ADAMTSL3: variants seen among roughly 807,000 people sequenced by gnomAD.
ADAMTSL3 encodes the protein ADAMTS like 3.
In ADAMTSL3, 128 loss-of-function variants were observed where a neutral mutation model predicts 201.7. The observed-to-expected ratio is 0.63, with a 90% CI of 0.55 to 0.73. The LOEUF is 0.73. Ranked by LOEUF, ADAMTSL3 falls within the 30% of genes least tolerant of loss-of-function variation. The pLI, the probability that ADAMTSL3 is intolerant of heterozygous loss-of-function variation, is 0.00. For missense variants in ADAMTSL3, 1,990 were observed against 2,119.6 expected, an observed-to-expected ratio of 0.94 and a Z score of 1.20; for synonymous variants, 738 against 748.4, an observed-to-expected ratio of 0.99 and a Z score of 0.23.
chr15:83,984,340 T>C (rs1056900416), intron 21 of ADAMTSL3, among the ~76,000 whole-genome samples: 8 of 152,246 alleles, frequency 5.3e-5, no homozygotes, highest in African/African-American at 1.9e-4. Context: ...TTGAGCCTCG[T>C]ATGTGAAACA....
chr15:83,775,247 A>G (rs1418150739), intron 4 of ADAMTSL3, among the ~76,000 whole-genome samples: 2 of 152,040 alleles, frequency 1.3e-5, no homozygotes, highest in Non-Finnish European at 2.9e-5. Flanking sequence ...GAGAACTTTG[A>G]CATCTCTTTC....
At chr15:83,803,177 A>G (rs1347360772) in intron 4 of ADAMTSL3, among the ~76,000 whole-genome samples, 1 of 152,324 alleles carries the variant, frequency 6.6e-6, no homozygotes, top group East Asian at 1.9e-4. Flanking sequence ...ATTAAATGAC[A>G]AAAGAATAAA....
chr15:83,949,415 G>A (rs1157535212), intron 19 of ADAMTSL3, among the ~76,000 whole-genome samples: 2 of 152,062 alleles, frequency 1.3e-5, no homozygotes, highest in East Asian at 1.9e-4. Context: ...GTCTGCTGAC[G>A]GACACTTAGG....
At chr15:83,717,502 A>G (rs900944870) in intron 3 of ADAMTSL3, 3 of 152,226 alleles carry the variant, frequency 2.0e-5, no homozygotes, top group Non-Finnish European at 4.4e-5. Context: ...CAAGGATGAT[A>G]TGAAATTTGT....
intron 17 of ADAMTSL3, among the ~76,000 whole-genome samples, chr15:83,934,370 C>T (rs2066422596): frequency 6.6e-6 from 1 of 152,178 alleles, no homozygotes. Context: ...CCAATTTCTC[C>T]CATTTGGAAT....
chr15:83,994,448 G>A (rs1034540189), intron 23 of ADAMTSL3, among the ~76,000 whole-genome samples: 1 of 151,988 alleles, frequency 6.6e-6, no homozygotes, highest in Admixed American at 6.6e-5. Context: ...CTAGTCATGT[G>A]GATGACTAAA....
intron 6 of ADAMTSL3, 62 bp downstream of exon 6, chr15:83,820,109 C>CAG: frequency 7.2e-7 from 1 of 1,397,738 alleles, no homozygotes; most frequent in Middle Eastern, 1.8e-4. Context: ...TGTCAATAAA[C>CAG]AGAACCCTTT....
chr15:83,771,586 A>G (rs1160653303), intron 3 of ADAMTSL3, among the ~76,000 whole-genome samples: 1 of 152,208 alleles, frequency 6.6e-6, no homozygotes, highest in East Asian at 1.9e-4. Context: ...AATGTCCTCA[A>G]GATTCATCCA....
At chr15:83,797,188 A>G (rs983142771) in intron 4 of ADAMTSL3, among the ~76,000 whole-genome samples, 9 of 152,340 alleles carry the variant, frequency 5.9e-5, no homozygotes, top group African/African-American at 1.9e-4. Context: ...TTTACTTACC[A>G]ATAAAATAGA....
chr15:83,972,665 A>G (rs571257533), intron 20 of ADAMTSL3, among the ~76,000 whole-genome samples: 18 of 152,230 alleles, frequency 1.2e-4, no homozygotes, highest in African/African-American at 4.3e-4. Context: ...AAAGACAGTA[A>G]TATTTTTTCT....
chr15:83,672,309 G>T (rs1006175858), intron 2 of ADAMTSL3, among the ~76,000 whole-genome samples: 38 of 152,334 alleles, frequency 2.5e-4, no homozygotes, highest in Admixed American at 2.0e-3. Context: ...AAGCAGGGGT[G>T]TAAATCATAA....
chr15:83,932,972 A>T (rs1237083353), intron 17 of ADAMTSL3, among the ~76,000 whole-genome samples: 1 of 152,228 alleles, frequency 6.6e-6, no homozygotes, highest in Non-Finnish European at 1.5e-5. Context: ...CTACGCTATG[A>T]ACAATAAACT....
chr15:83,885,297 T>G, intron 10 of ADAMTSL3, 85 bp downstream of exon 10: 1 of 1,083,454 alleles, frequency 9.2e-7, no homozygotes, highest in Non-Finnish European at 1.4e-6. Flanking sequence ...GATTTTAAAA[T>G]TGGTGTGGTG....
At chr15:83,947,455 C>G (rs1432227942) in intron 19 of ADAMTSL3, among the ~76,000 whole-genome samples, 2 of 152,164 alleles carry the variant, frequency 1.3e-5, no homozygotes, top group Admixed American at 6.5e-5. Flanking sequence ...GCCTTCAGTT[C>G]TTACACTGCT....
chr15:83,972,490 A>T (rs979243866), intron 20 of ADAMTSL3, among the ~76,000 whole-genome samples: 5 of 152,186 alleles, frequency 3.3e-5, no homozygotes, highest in Non-Finnish European at 5.9e-5. Flanking sequence ...AATTAAAGTG[A>T]TACTGGCAGC....
chr15:83,692,361 A>G (rs2061621489), intron 2 of ADAMTSL3, among the ~76,000 whole-genome samples: 1 of 151,976 alleles, frequency 6.6e-6, no homozygotes, highest in Non-Finnish European at 1.5e-5. Context: ...CCCTGACTCT[A>G]AATCTCTGTC....
At chr15:83,774,435 A>G (rs2063037964) in intron 4 of ADAMTSL3, among the ~76,000 whole-genome samples, 1 of 152,250 alleles carries the variant, frequency 6.6e-6, no homozygotes, top group Non-Finnish European at 1.5e-5. Context: ...TCACTGTTCT[A>G]CCATACATTA....
chr15:83,663,034 A>G (rs2061197130), intron 2 of ADAMTSL3, among the ~76,000 whole-genome samples: 1 of 152,180 alleles, frequency 6.6e-6, no homozygotes, highest in African/African-American at 2.4e-5. Context: ...CCTAGCAGGC[A>G]GCCTTATTGG....
At chr15:83,805,141 A>G (rs903307469) in intron 5 of ADAMTSL3, among the ~76,000 whole-genome samples, 9 of 152,134 alleles carry the variant, frequency 5.9e-5, no homozygotes, top group African/African-American at 1.7e-4. Flanking sequence ...TGTTATTTCT[A>G]CCTCAGTGTC....
Sources: allele counts gnomAD v4.1 joint callset (sites outside exome capture counted in the v4.1 genomes callset), GRCh38; gene constraint gnomAD v4.1.1; transcripts MANE v1.5; gene names NCBI Gene and HGNC (gene_info 2026-07-23, HGNC 2026-07-21).